TRPC4: variants seen among roughly 807,000 people sequenced by gnomAD.
TRPC4 encodes the protein transient receptor potential cation channel subfamily C member 4, also known as short transient receptor potential channel 4.
Under a neutral mutation model 99.4 loss-of-function variants are expected in TRPC4, and 49 were observed. The observed-to-expected ratio is 0.49, with a 90% confidence interval of 0.39 to 0.63. TRPC4 has a LOEUF of 0.63. Ranked by LOEUF, TRPC4 falls within the 20% of genes least tolerant of loss-of-function variation. The probability of loss-of-function intolerance (pLI) is 0.00; values close to 1 mark genes in which losing one functional copy is unlikely to be tolerated. For missense variants in TRPC4, 898 were observed against 1,152.9 expected, an observed-to-expected ratio of 0.78 and a Z score of 3.20; for synonymous variants, 454 against 425.9, an observed-to-expected ratio of 1.07 and a Z score of -0.81.
intron 3 of TRPC4, among the ~76,000 whole-genome samples, chr13:37,736,504 G>A (rs567185661): frequency 6.6e-6 from 1 of 152,050 alleles, no homozygotes; most frequent in Non-Finnish European, 1.5e-5. Context: ...AGGTTCAAAG[G>A]GCATACATAA....
intron 8 of TRPC4, among the ~76,000 whole-genome samples, chr13:37,650,047 T>C (rs919648630): frequency 1.3e-5 from 2 of 152,134 alleles, no homozygotes; most frequent in African/African-American, 4.8e-5. Context: ...CAATTTCTCT[T>C]TGGAATTAGA....
At chr13:37,653,750 T>C (rs979648016) in intron 7 of TRPC4, among the ~76,000 whole-genome samples, 2 of 152,170 alleles carry the variant, frequency 1.3e-5, no homozygotes, top group Non-Finnish European at 2.9e-5. Flanking sequence ...TTCTCCTTGA[T>C]GAAATTGGGA....
chr13:37,724,444 A>G (rs964868622), intron 3 of TRPC4, among the ~76,000 whole-genome samples: 7 of 152,174 alleles, frequency 4.6e-5, no homozygotes, highest in African/African-American at 1.4e-4. Context: ...CCTTTAAATC[A>G]TTTTAATTGT....
intron 1 of TRPC4, among the ~76,000 whole-genome samples, chr13:37,818,891 G>A (rs955910656): frequency 8.6e-5 from 13 of 151,748 alleles, no homozygotes; most frequent in South Asian, 2.1e-4. Flanking sequence ...CATGGCACGC[G>A]TATACCTATG....
intron 2 of TRPC4, among the ~76,000 whole-genome samples, chr13:37,755,768 A>G (rs1250061183): frequency 1.3e-5 from 2 of 152,140 alleles, no homozygotes; most frequent in Non-Finnish European, 2.9e-5. Flanking sequence ...GGCATTTGTT[A>G]TATGCAAAGG....
At chr13:37,695,168 C>T (rs1268139841) in intron 3 of TRPC4, among the ~76,000 whole-genome samples, 19 of 151,974 alleles carry the variant, frequency 1.3e-4, no homozygotes, top group Admixed American at 1.2e-3. Context: ...ACCTCCCTCT[C>T]TTCCTTCTTC....
At chr13:37,679,844 C>T (rs1432358433) in intron 4 of TRPC4, among the ~76,000 whole-genome samples, 1 of 152,104 alleles carries the variant, frequency 6.6e-6, no homozygotes, top group African/African-American at 2.4e-5. Context: ...AGATATGATG[C>T]CTGCACTGCA....
chr13:37,648,578 G>C (rs1951919708), intron 8 of TRPC4, among the ~76,000 whole-genome samples: 1 of 152,018 alleles, frequency 6.6e-6, no homozygotes, highest in Non-Finnish European at 1.5e-5. Flanking sequence ...TTGAGATTCT[G>C]ATTAGTTTCA....
intron 1 of TRPC4, among the ~76,000 whole-genome samples, chr13:37,803,049 A>G (rs1957444252): frequency 6.6e-6 from 1 of 151,878 alleles, no homozygotes; most frequent in African/African-American, 2.4e-5. Context: ...TTATAACCTG[A>G]TACTATTATT....
intron 4 of TRPC4, among the ~76,000 whole-genome samples, chr13:37,679,290 T>G (rs4943532): frequency 6.6e-6 from 1 of 151,890 alleles, no homozygotes; most frequent in Admixed American, 6.6e-5. Context: ...TATCTCTGCA[T>G]TCAACTCCAA....
At chr13:37,788,401 T>C (rs898855196) in intron 1 of TRPC4, among the ~76,000 whole-genome samples, 2 of 152,200 alleles carry the variant, frequency 1.3e-5, no homozygotes, top group Non-Finnish European at 2.9e-5. Flanking sequence ...TCATTTATTC[T>C]CTCTAACATG....
At chr13:37,764,500 T>C (rs12430948) in intron 2 of TRPC4, among the ~76,000 whole-genome samples, 45,555 of 151,178 alleles carry the variant, frequency 0.3, 8,149 homozygotes, top group Non-Finnish European at 0.42. Flanking sequence ...TGTTTTTATG[T>C]AGACAAATTA....
At chr13:37,737,954 A>G (rs148202762) in intron 3 of TRPC4, among the ~76,000 whole-genome samples, 132 of 152,304 alleles carry the variant, frequency 8.7e-4, no homozygotes, top group African/African-American at 3.1e-3. Context: ...CTATGCCCTA[A>G]GCTACTTATT....
At chr13:37,756,804 G>C (rs927807714) in intron 2 of TRPC4, among the ~76,000 whole-genome samples, 1 of 151,794 alleles carries the variant, frequency 6.6e-6, no homozygotes, top group Admixed American at 6.6e-5. Context: ...CAAAGTGCTG[G>C]GATTACAGGC....
chr13:37,858,773 C>T (rs1959195262), intron 1 of TRPC4, among the ~76,000 whole-genome samples: 1 of 151,302 alleles, frequency 6.6e-6, no homozygotes, highest in Admixed American at 6.6e-5. Context: ...GGATGATTAC[C>T]AGAGGCTGGT....
At chr13:37,738,533 A>G (rs1955474595) in intron 3 of TRPC4, among the ~76,000 whole-genome samples, 1 of 152,182 alleles carries the variant, frequency 6.6e-6, no homozygotes, top group African/African-American at 2.4e-5. Context: ...AAACTTAAAA[A>G]GTTTCAAAGA....
In TRPC4 at chr13:37,754,682, G is replaced by A. The variant is rs115797822; in HGVS notation, c.379-8227C>T. On this transcript the variant is annotated intron_variant, in intron 2 of 10. Coordinates refer to ENST00000379705, the MANE Select transcript of TRPC4 (RefSeq NM_016179.4). ...AACCAAATAAATCCCCCTGTTTTTT[G>A]TATTGTGTAACTAACCATAAGGTTG... Among the ~76,000 whole-genome samples, 440 of 152,180 alleles carry A rather than the reference G, an allele frequency of 2.9e-3. 2 individuals are homozygous for A. Among genetic ancestry groups the A allele is most frequent in the African/African-American group, 0.01 (426 of 41,554 alleles).
intron 6 of TRPC4, among the ~76,000 whole-genome samples, chr13:37,663,204 A>G (rs1275648284): frequency 2.0e-5 from 3 of 152,202 alleles, no homozygotes; most frequent in African/African-American, 4.8e-5. Context: ...AGATGATTTT[A>G]CTAAAATTTA....
chr13:37,672,637 G>C (rs544607344), intron 5 of TRPC4, among the ~76,000 whole-genome samples: 3 of 152,138 alleles, frequency 2.0e-5, no homozygotes, highest in Non-Finnish European at 4.4e-5. Flanking sequence ...TTTAGAAGTA[G>C]GTCTAAACAA....
Sources: gnomAD v4.1 joint callset for allele counts (sites outside exome capture counted in the v4.1 genomes callset) on GRCh38, gnomAD v4.1.1 for gene constraint, MANE v1.5 for transcripts, NCBI Gene and HGNC (gene_info 2026-07-23, HGNC 2026-07-21) for gene names.